Variants in CSMD1 observed in about 807,000 individuals in gnomAD.
CSMD1 encodes the protein CUB and sushi domain-containing protein 1.
In CSMD1, 213 loss-of-function variants were observed where a neutral mutation model predicts 417.5. That is an observed-to-expected ratio of 0.51 (90% confidence interval 0.46 to 0.57). CSMD1 has a LOEUF of 0.57. Ranked by LOEUF, CSMD1 falls within the 20% of genes least tolerant of loss-of-function variation. CSMD1 has a pLI of 0.00. For synonymous variants in CSMD1, 2,862 were observed against 1,736.8 expected, an observed-to-expected ratio of 1.65 and a Z score of -16.11; for missense variants, 6,923 against 4,529.7, an observed-to-expected ratio of 1.53 and a Z score of -15.17.
intron 3 of CSMD1, among the ~76,000 whole-genome samples, chr8:4,148,144 C>A (rs912471126): frequency 1.6e-4 from 25 of 152,108 alleles, no homozygotes; most frequent in African/African-American, 6.0e-4. Context: ...TGAAGCTCAA[C>A]TTAGAGTCAA....
chr8:4,604,725 G>A (rs573184277), intron 2 of CSMD1, among the ~76,000 whole-genome samples: 2 of 151,992 alleles, frequency 1.3e-5, no homozygotes, highest in Non-Finnish European at 2.9e-5. Context: ...GGGCTTAATG[G>A]TAACATTTAT....
intron 3 of CSMD1, among the ~76,000 whole-genome samples, chr8:4,192,700 C>A (rs948907767): frequency 1.3e-5 from 2 of 152,166 alleles, no homozygotes; most frequent in Non-Finnish European, 2.9e-5. Context: ...GTATTGCTCA[C>A]CAACATGTCG....
chr8:4,382,549 C>G (rs1380653517), intron 3 of CSMD1, among the ~76,000 whole-genome samples: 1 of 152,104 alleles, frequency 6.6e-6, no homozygotes, highest in East Asian at 1.9e-4. Context: ...TATAAAAAAC[C>G]CTCTGAGTAT....
At chr8:4,193,203 C>G (rs1434676701) in intron 3 of CSMD1, among the ~76,000 whole-genome samples, 1 of 152,140 alleles carries the variant, frequency 6.6e-6, no homozygotes, top group East Asian at 1.9e-4. Context: ...ATAAGCAGGG[C>G]TGAAAGCAAA....
intron 6 of CSMD1, among the ~76,000 whole-genome samples, chr8:3,742,895 G>A (rs369819252): frequency 6.6e-6 from 1 of 152,218 alleles, no homozygotes; most frequent in Non-Finnish European, 1.5e-5. Flanking sequence ...ATGGATAACA[G>A]AGTATTTCCG....
At chr8:4,343,906 A>C (rs981057283) in intron 3 of CSMD1, among the ~76,000 whole-genome samples, 63 of 152,280 alleles carry the variant, frequency 4.1e-4, no homozygotes, top group African/African-American at 1.4e-3. Flanking sequence ...AGGCTTATTT[A>C]CTTTTAAATA....
chr8:3,468,819 G>C lies in CSMD1; in HGVS notation c.1454C>G (p.Thr485Arg), dbSNP rs754631764. 1 of 1,589,174 alleles carries C rather than the reference G, an allele frequency of 6.3e-7. No individual in the cohort carries two copies. Among genetic ancestry groups the C allele is most frequent in the South Asian group, 1.1e-5 (1 of 87,510 alleles). The change falls in exon 12 of 70, where the codon ACG becomes AGG. Residue 485 changes from threonine to arginine, a missense_variant. Thr to Arg is a moderately conservative substitution (Grantham distance 71, BLOSUM62 -1). Coordinates refer to ENST00000635120, the MANE Select transcript of CSMD1 (RefSeq NM_033225.6). ...AATGAGGTCAGGAACACTGGATCCC[G>C]TGAGCCTGCAAGAAAGAGAAATGTC... ...GDTRSVLYVL[T>R]GSSVPDLIVS...
chr8:4,286,670 G>T (rs1357417052), intron 3 of CSMD1, among the ~76,000 whole-genome samples: 1 of 152,156 alleles, frequency 6.6e-6, no homozygotes, highest in Non-Finnish European at 1.5e-5. Flanking sequence ...CAATCATACT[G>T]ATTTTGTAGG....
intron 3 of CSMD1, among the ~76,000 whole-genome samples, chr8:4,137,254 A>G (rs971717837): frequency 6.6e-6 from 1 of 152,166 alleles, no homozygotes; most frequent in Non-Finnish European, 1.5e-5. Context: ...TCTGGTAGCT[A>G]TGAGAAATTG....
At chr8:4,097,884 G>A (rs958115372) in intron 3 of CSMD1, among the ~76,000 whole-genome samples, 1 of 152,100 alleles carries the variant, frequency 6.6e-6, no homozygotes, top group Non-Finnish European at 1.5e-5. Flanking sequence ...TATCCATGGG[G>A]CTTCATCAGC....
intron 5 of CSMD1, among the ~76,000 whole-genome samples, chr8:3,891,159 C>T (rs1321508031): frequency 4.6e-5 from 7 of 151,986 alleles, no homozygotes; most frequent in Non-Finnish European, 8.8e-5. Flanking sequence ...AGTGATCCTC[C>T]CTCAGCCTCC....
chr8:4,735,422 G>A (rs1810168563), intron 1 of CSMD1, among the ~76,000 whole-genome samples: 1 of 152,112 alleles, frequency 6.6e-6, no homozygotes. Flanking sequence ...TTTTCAGTAA[G>A]GGAGAGGATT....
intron 18 of CSMD1, among the ~76,000 whole-genome samples, chr8:3,385,012 T>C (rs1465036635): frequency 1.4e-4 from 2 of 14,718 alleles, no homozygotes; most frequent in African/African-American, 4.3e-4. Context: ...TATATATAAA[T>C]ATATAATATA....
chr8:4,086,310 G>T (rs924468951), intron 3 of CSMD1, among the ~76,000 whole-genome samples: 2 of 152,202 alleles, frequency 1.3e-5, no homozygotes, highest in Admixed American at 1.3e-4. Flanking sequence ...TCATCAGACA[G>T]AAGTTCCAAA....
chr8:4,041,898 G>C (rs1472880459), intron 3 of CSMD1, among the ~76,000 whole-genome samples: 2 of 152,108 alleles, frequency 1.3e-5, no homozygotes, highest in African/African-American at 2.4e-5. Flanking sequence ...AGGTAGAATA[G>C]ATATAGCAGA....
intron 23 of CSMD1, among the ~76,000 whole-genome samples, chr8:3,311,024 A>C (rs568636529): frequency 6.6e-6 from 1 of 152,152 alleles, no homozygotes; most frequent in Non-Finnish European, 1.5e-5. Context: ...CAACTTAACA[A>C]ATGAGGTTAC....
intron 5 of CSMD1, among the ~76,000 whole-genome samples, chr8:3,935,927 A>C (rs762116661): frequency 1.1e-4 from 17 of 152,192 alleles, no homozygotes; most frequent in Non-Finnish European, 1.9e-4. Context: ...CTCCTGCACT[A>C]AACAGTGAGC....
chr8:3,826,171 C>A (rs1472364606), intron 5 of CSMD1, among the ~76,000 whole-genome samples: 3 of 152,108 alleles, frequency 2.0e-5, no homozygotes, highest in South Asian at 2.1e-4. Flanking sequence ...GAGGCTTTGA[C>A]TGAGTTGAAA....
At chr8:4,787,200 G>A (rs188093918) in intron 1 of CSMD1, 2 of 450,294 alleles carry the variant, frequency 4.4e-6, no homozygotes, top group Non-Finnish European at 8.3e-6. Flanking sequence ...GCAGGGTCGC[G>A]GGGCCCCGCC....
Sources: allele counts gnomAD v4.1 joint callset (sites outside exome capture counted in the v4.1 genomes callset), GRCh38; gene constraint gnomAD v4.1.1; transcripts MANE v1.5; gene names NCBI Gene and HGNC (gene_info 2026-07-23, HGNC 2026-07-21).